The following MAGI2 variants were observed in gnomAD, a reference collection of about 807,000 sequenced individuals.
MAGI2 encodes membrane-associated guanylate kinase, WW and PDZ domain-containing protein 2.
Under a neutral mutation model 133.3 loss-of-function variants are expected in MAGI2, and 35 were observed. The ratio of observed to expected loss-of-function variants is 0.26; its 90% CI spans 0.20 to 0.35. MAGI2 has a LOEUF of 0.35. MAGI2 is among the 10% of genes least tolerant of loss of function. MAGI2 has a pLI of 1.00. For synonymous variants in MAGI2, 729 were observed against 710.6 expected, an observed-to-expected ratio of 1.03 and a Z score of -0.41; for missense variants, 1,636 against 1,863.4, an observed-to-expected ratio of 0.88 and a Z score of 2.25.
At chr7:78,370,444 T>C (rs1282207029) in intron 6 of MAGI2, among the ~76,000 whole-genome samples, 1 of 151,930 alleles carries the variant, frequency 6.6e-6, no homozygotes, top group African/African-American at 2.4e-5. Context: ...GACTTTCTAG[T>C]TTTTACCTGT....
At chr7:79,029,890 G>A (rs1194267632) in intron 1 of MAGI2, among the ~76,000 whole-genome samples, 1 of 152,094 alleles carries the variant, frequency 6.6e-6, no homozygotes, top group Non-Finnish European at 1.5e-5. Context: ...TTTGTTCCAA[G>A]CAATTTCTTC....
chr7:78,896,220 A>T (rs1475532718), intron 2 of MAGI2, among the ~76,000 whole-genome samples: 2 of 152,094 alleles, frequency 1.3e-5, no homozygotes, highest in African/African-American at 4.8e-5. Flanking sequence ...TATATTTCAG[A>T]ATCTATTTCA....
At chr7:78,713,477 T>C (rs1819402574) in intron 2 of MAGI2, among the ~76,000 whole-genome samples, 1 of 152,130 alleles carries the variant, frequency 6.6e-6, no homozygotes, top group African/African-American at 2.4e-5. Flanking sequence ...TAACAGAAAG[T>C]GACCATTTCT....
chr7:79,273,995 A>G (rs1007002560), intron 1 of MAGI2, among the ~76,000 whole-genome samples: 1 of 152,142 alleles, frequency 6.6e-6, no homozygotes, highest in Non-Finnish European at 1.5e-5. Flanking sequence ...AACAGAAGTC[A>G]TAATCCTGGG....
At chr7:78,664,278 T>C (rs1475891644) in intron 2 of MAGI2, among the ~76,000 whole-genome samples, 1 of 152,228 alleles carries the variant, frequency 6.6e-6, no homozygotes, top group South Asian at 2.1e-4. Context: ...TCACCAGTTA[T>C]ATACAGCACT....
intron 2 of MAGI2, among the ~76,000 whole-genome samples, chr7:78,926,045 C>T (rs1247888693): frequency 6.6e-6 from 1 of 152,008 alleles, no homozygotes; most frequent in Non-Finnish European, 1.5e-5. Flanking sequence ...ATCTTCACCG[C>T]TATTTCAAAT....
chr7:78,573,076 T>TACAC (rs1217454892), intron 3 of MAGI2, among the ~76,000 whole-genome samples: 25 of 52,568 alleles, frequency 4.8e-4, no homozygotes, highest in East Asian at 2.1e-3. Context: ...TATATATATA[T>TACAC]ACACACACAC....
intron 10 of MAGI2, among the ~76,000 whole-genome samples, chr7:78,202,598 G>A (rs534345697): frequency 7.4e-5 from 11 of 147,948 alleles, no homozygotes; most frequent in African/African-American, 2.2e-4. Context: ...CAGGAGAATC[G>A]CTGGAACTCG....
chr7:78,057,043 G>A (rs532517808), intron 21 of MAGI2, among the ~76,000 whole-genome samples: 2 of 139,828 alleles, frequency 1.4e-5, no homozygotes, highest in African/African-American at 5.4e-5. Flanking sequence ...TTTTATGAGT[G>A]TGTCTATATA....
At chr7:78,759,108 T>C (rs1288364957) in intron 2 of MAGI2, among the ~76,000 whole-genome samples, 1 of 152,154 alleles carries the variant, frequency 6.6e-6, no homozygotes, top group East Asian at 1.9e-4. Context: ...TATATAAACA[T>C]ATTTTTGGGA....
At chr7:78,934,355 C>T (rs1418693221) in intron 2 of MAGI2, among the ~76,000 whole-genome samples, 1 of 152,148 alleles carries the variant, frequency 6.6e-6, no homozygotes, top group Non-Finnish European at 1.5e-5. Flanking sequence ...CAGCCTGCCT[C>T]AGCCCCACAA....
chr7:78,535,867 T>G (rs746368299), intron 3 of MAGI2, among the ~76,000 whole-genome samples: 27 of 123,808 alleles, frequency 2.2e-4, no homozygotes, highest in Non-Finnish European at 2.6e-4. Flanking sequence ...TCTAGTCTTG[T>G]GTACACCCCC....
chr7:78,153,322 G>A (rs1053267252), intron 16 of MAGI2, among the ~76,000 whole-genome samples: 95 of 152,306 alleles, frequency 6.2e-4, no homozygotes, highest in African/African-American at 2.1e-3. Context: ...TGAAAGGGGC[G>A]TGCCTTAAAT....
Position 78,844,758 on chromosome 7 carries a change from A to G in MAGI2, c.418+162332T>C, listed in dbSNP as rs181007819. On this transcript the variant is annotated intron_variant, in intron 2 of 21. Transcript: ENST00000354212. ...GGTAGTTATACAACACTGCAAATATAGTAAAACCCACTGAATTGCACACTT... is the reference window on the plus strand; with the variant it reads ...GGTAGTTATACAACACTGCAAATATGGTAAAACCCACTGAATTGCACACTT... 5.6e-4 allele frequency among the ~76,000 whole-genome samples: 85 copies of G among 151,946 alleles called. 1 individual carries two copies. In the East Asian group the frequency reaches 0.016, roughly 28 times the overall value.
chr7:78,486,953 G>A (rs181518565), intron 6 of MAGI2: 26 of 525,680 alleles, frequency 4.9e-5, no homozygotes, highest in African/African-American at 2.1e-4. Flanking sequence ...CTCTGGGGCC[G>A]GGTCCATGGC....
chr7:78,589,615 A>C (rs970440401), intron 3 of MAGI2, among the ~76,000 whole-genome samples: 1 of 137,280 alleles, frequency 7.3e-6, no homozygotes, highest in Non-Finnish European at 1.6e-5. Context: ...ATAGAGCCCC[A>C]AAGATACCAG....
At chr7:78,855,766 G>T (rs1018838203) in intron 2 of MAGI2, among the ~76,000 whole-genome samples, 4 of 152,104 alleles carry the variant, frequency 2.6e-5, no homozygotes, top group East Asian at 3.9e-4. Context: ...TTGGGTATAC[G>T]CCCAGTAATG....
chr7:78,028,007 G>A (rs1809131368), intron 21 of MAGI2, among the ~76,000 whole-genome samples: 1 of 152,100 alleles, frequency 6.6e-6, no homozygotes, highest in Admixed American at 6.5e-5. Flanking sequence ...AATGATTAAG[G>A]TAGATCAAAG....
intron 2 of MAGI2, among the ~76,000 whole-genome samples, chr7:78,963,416 T>C (rs1394435257): frequency 1.3e-5 from 2 of 152,120 alleles, no homozygotes; most frequent in East Asian, 3.9e-4. Flanking sequence ...TGTGCTAAAA[T>C]AAACATCCTC....
Sources: allele counts gnomAD v4.1 joint callset (sites outside exome capture counted in the v4.1 genomes callset), GRCh38; gene constraint gnomAD v4.1.1; transcripts MANE v1.5; gene names NCBI Gene and HGNC (gene_info 2026-07-23, HGNC 2026-07-21).